KCTD19: variants seen among roughly 807,000 people sequenced by gnomAD.
KCTD19 encodes BTB/POZ domain-containing protein KCTD19.
A neutral mutation model predicts 103.5 loss-of-function variants in KCTD19; 67 were observed. The ratio of observed to expected loss-of-function variants is 0.65; its 90% CI spans 0.53 to 0.79. KCTD19 has a LOEUF of 0.79. Ranked by LOEUF, KCTD19 falls within the 30% of genes least tolerant of loss-of-function variation. The pLI is 0.00. For synonymous variants in KCTD19, 439 were observed against 452.2 expected (o/e 0.97, Z 0.37); for missense variants, 980 against 1,136.1 (o/e 0.86, Z 1.98).
At chr16:67,301,282 A>T (rs2036831001) in intron 5 of KCTD19, 1 of 154,634 alleles carries the variant, frequency 6.5e-6, no homozygotes, top group African/African-American at 2.4e-5. Context: ...AGGAATAGGC[A>T]GAAACAGGCA....
chr16:67,322,390 C>G (rs897895915), intron 1 of KCTD19, among the ~76,000 whole-genome samples: 1 of 152,010 alleles, frequency 6.6e-6, no homozygotes, highest in Non-Finnish European at 1.5e-5. Flanking sequence ...ACTCCACCTC[C>G]CGGGTTCACT....
At chr16:67,306,164 G>C (rs1167413378) in intron 2 of KCTD19, among the ~76,000 whole-genome samples, 1 of 152,186 alleles carries the variant, frequency 6.6e-6, no homozygotes, top group Non-Finnish European at 1.5e-5. Context: ...TCTCAGCTTG[G>C]GAGAGAAGAA....
chr16:67,303,425 G>T lies in KCTD19; in HGVS notation c.452-88C>A, dbSNP rs2036859681. On this transcript the variant is annotated intron_variant, in intron 3 of 15. Transcript: ENST00000304372. The surrounding 1 kb of genome is among the most constrained non-coding windows in gnomAD (Gnocchi z 4.3). Reference sequence around the variant, plus strand: ...GGCTTTCACTGACCCAGGGGCCCCAGAGGATGCTAGAGAGACCCCCCAGGA... The same window carrying T: ...GGCTTTCACTGACCCAGGGGCCCCATAGGATGCTAGAGAGACCCCCCAGGA... The T allele has an allele frequency of 1.1e-5, 11 of 1,021,886 alleles. No homozygotes were observed. Among genetic ancestry groups the T allele is most frequent in the Non-Finnish European group, 1.4e-5 (10 of 706,420 alleles). The allele number at this position is 1,021,886 out of a possible 1,614,324, so 63.3% of individuals were successfully genotyped here.
intron 6 of KCTD19, among the ~76,000 whole-genome samples, chr16:67,298,488 C>T (rs1394082902): frequency 6.6e-6 from 1 of 152,194 alleles, no homozygotes; most frequent in Non-Finnish European, 1.5e-5. Context: ...TCATACGCAT[C>T]TGCCCAAGAC....
chr16:67,298,855 AGGACATCCTGAGCTCATCCC>A (rs926014806), intron 6 of KCTD19, among the ~76,000 whole-genome samples: 1 of 152,212 alleles, frequency 6.6e-6, no homozygotes, highest in African/African-American at 2.4e-5. Context: ...TGCACTAATG[AGGACATCCTGAGCTCATCCC>A]ATAAGGCAAA....
chr16:67,299,315 G>A (rs2036805099), intron 6 of KCTD19, 48 bp downstream of exon 6: 1 of 1,561,852 alleles, frequency 6.4e-7, no homozygotes, highest in Non-Finnish European at 8.8e-7. Context: ...AGAGGGAAGG[G>A]CAGAGCCAAG....
intron 14 of KCTD19, 35 bp downstream of exon 14, chr16:67,291,273 CA>C: frequency 6.2e-7 from 1 of 1,600,460 alleles, no homozygotes; most frequent in African/African-American, 1.3e-5. Flanking sequence ...GGAGAAGGTA[CA>C]GGGTGCCCCA....
At chr16:67,313,745 T>C (rs1242881133) in intron 2 of KCTD19, among the ~76,000 whole-genome samples, 2 of 152,054 alleles carry the variant, frequency 1.3e-5, no homozygotes, top group African/African-American at 4.8e-5. Flanking sequence ...CATGCCACCA[T>C]GCTCAGCTAA....
intron 1 of KCTD19, chr16:67,321,739 A>G (rs962460881): frequency 8.5e-5 from 13 of 152,218 alleles, no homozygotes; most frequent in African/African-American, 3.1e-4. Flanking sequence ...ACGTTCTCCT[A>G]CAACGGATCT....
intron 2 of KCTD19, among the ~76,000 whole-genome samples, chr16:67,313,884 T>A (rs2036974904): frequency 6.7e-6 from 1 of 149,668 alleles, no homozygotes; most frequent in Non-Finnish European, 1.5e-5. Context: ...AAAGAGAAGA[T>A]CTTGCTGTGT....
chr16:67,290,945 C>T lies in KCTD19; in HGVS notation c.2607G>A (p.Leu869=). The T allele has an allele frequency of 1.2e-6, 2 of 1,614,138 alleles. No homozygotes were observed. The highest frequency in any genetic ancestry group is 1.7e-6 in the Non-Finnish European group (2 of 1,180,006). ...ISPKQFVVDL[L]AITGFKDDRH... ...GGTCATCCTTGAAGCCGGTGATGGC[C>T]AGCAAATCTACCACAAACTGCTTGG... Residue 869 remains leucine, a synonymous_variant, in exon 15 of 16, where the codon CTG becomes CTA. Transcript: ENST00000304372.
chr16:67,291,934 C>T, intron 12 of KCTD19, 97 bp from the exon 13 acceptor site: 2 of 784,028 alleles, frequency 2.6e-6, no homozygotes, highest in Non-Finnish European at 1.9e-6. Flanking sequence ...AGTGCAATGG[C>T]ACAATCTTGG....
intron 1 of KCTD19, 38 bp downstream of exon 1, chr16:67,326,667 T>C: frequency 6.3e-7 from 1 of 1,576,610 alleles, no homozygotes; most frequent in Non-Finnish European, 8.6e-7. Context: ...TTCGCCGCTT[T>C]GGTGCTTTTG....
chr16:67,314,708 G>A (rs557314203), intron 2 of KCTD19, among the ~76,000 whole-genome samples: 47 of 150,086 alleles, frequency 3.1e-4, no homozygotes, highest in African/African-American at 1.1e-3. Context: ...ATGAGCCACC[G>A]CACCCAGCTG....
rs749689690 is a variant in KCTD19 at position 67,294,986 on chromosome 16, A to T, written c.1462T>A (p.Cys488Ser). The change falls in exon 10 of 16, where the codon TGT becomes AGT. Residue 488 changes from cysteine to serine, a missense_variant. Transcript: ENST00000304372. ...AAGTTTTCTTACTTGTATGCTTCAC[A>T]TTGTGCAAGGGCTTCTGAGAGGGAT... ...IPSLSEALAQ[C>S]EAYKSWTQEK... The T allele has an allele frequency of 6.2e-7, 1 of 1,613,194 alleles. No individual in the cohort carries two copies. The highest frequency in any genetic ancestry group is 1.1e-5 in the South Asian group (1 of 91,072).
chr16:67,325,207 C>CTTTT (rs10695930), intron 1 of KCTD19, among the ~76,000 whole-genome samples: 6 of 113,170 alleles, frequency 5.3e-5, no homozygotes, highest in African/African-American at 1.9e-4. Flanking sequence ...TTCTTTTTTT[C>CTTTT]TTTTTTTTTT....
At chr16:67,325,758 C>T (rs1180782586) in intron 1 of KCTD19, among the ~76,000 whole-genome samples, 1 of 152,154 alleles carries the variant, frequency 6.6e-6, no homozygotes, top group Non-Finnish European at 1.5e-5. Context: ...CTTAGGGGAA[C>T]CTGTGGTGCT....
chr16:67,295,244 G>T lies in KCTD19; in HGVS notation c.1391+19C>A. The T allele has an allele frequency of 6.2e-7, 1 of 1,612,832 alleles. No homozygotes were observed. Among genetic ancestry groups the T allele is most frequent in the South Asian group, 1.1e-5 (1 of 90,992 alleles). On this transcript the variant is annotated intron_variant, in intron 9 of 15. Transcript: ENST00000304372. Reference sequence around the variant, plus strand: ...TCAGCCTTCGTGATTTCATCTTACTGCGTCCTTGCTTCACTTACTTAAATT... The same window carrying T: ...TCAGCCTTCGTGATTTCATCTTACTTCGTCCTTGCTTCACTTACTTAAATT...
chr16:67,314,979 C>T (rs559092353), intron 2 of KCTD19, among the ~76,000 whole-genome samples: 184 of 151,624 alleles, frequency 1.2e-3, no homozygotes, highest in Middle Eastern at 3.4e-3. Flanking sequence ...CCTTAGCCTC[C>T]CAAGTAGTTG....
Sources: allele counts gnomAD v4.1 joint callset (sites outside exome capture counted in the v4.1 genomes callset), GRCh38; gene constraint gnomAD v4.1.1; non-coding constraint Gnocchi (gnomAD v3.1); transcripts MANE v1.5; gene names NCBI Gene and HGNC (gene_info 2026-07-23, HGNC 2026-07-21).